CYP39A1: variants seen among roughly 807,000 people sequenced by gnomAD.
CYP39A1 encodes 24-hydroxycholesterol 7-alpha-hydroxylase.
Under a neutral mutation model 58.1 loss-of-function variants are expected in CYP39A1, and 49 were observed. That is an observed-to-expected ratio of 0.84 (90% CI 0.67 to 1.07). CYP39A1 has a LOEUF of 1.07. Ranked by LOEUF, CYP39A1 falls within the 50% of genes least tolerant of loss-of-function variation. The probability of loss-of-function intolerance (pLI) is 0.00; values close to 1 mark genes in which losing one functional copy is unlikely to be tolerated. For missense variants in CYP39A1, 531 were observed against 539.4 expected, an observed-to-expected ratio of 0.98 and a Z score of 0.16; for synonymous variants, 209 against 187.6, an observed-to-expected ratio of 1.11 and a Z score of -0.93.
intron 1 of CYP39A1, among the ~76,000 whole-genome samples, chr6:46,648,018 G>A (rs928084511): frequency 2.6e-5 from 4 of 152,174 alleles, no homozygotes; most frequent in Non-Finnish European, 5.9e-5. Flanking sequence ...AACAACAGGT[G>A]CTGGAGAGCA....
Position 46,553,792 on chromosome 6 carries a change from CTA to C in CYP39A1, c.1311_1312del (p.Cys437TrpfsTer27). The C allele has an allele frequency of 6.2e-7, 1 of 1,610,966 alleles. No homozygotes were observed. Among genetic ancestry groups the C allele is most frequent in the South Asian group, 1.1e-5 (1 of 90,788 alleles). On this transcript the variant is annotated frameshift_variant, in exon 11 of 12. Transcript: ENST00000275016. LOFTEE classifies it high-confidence loss of function. ...CTGTTTGGGTAATGGGTCCAGAAGA[CTA>C]CAGTCATATTTATAAAGTATTAAAA... is the stretch of plus-strand genomic sequence containing the variant.
chr6:46,572,507 G>A (rs151293353), intron 10 of CYP39A1, among the ~76,000 whole-genome samples: 17 of 152,236 alleles, frequency 1.1e-4, no homozygotes, highest in African/African-American at 4.1e-4. Flanking sequence ...TTTCTGGCCT[G>A]TGAAGTTTCT....
intron 7 of CYP39A1, among the ~76,000 whole-genome samples, chr6:46,616,133 TTTC>T (rs1561993760): frequency 9.1e-3 from 1 of 110 alleles, no homozygotes; most frequent in South Asian, 0.071. Flanking sequence ...TCTTTCTTTC[TTTC>T]TTTCTTTCTT....
intron 1 of CYP39A1, among the ~76,000 whole-genome samples, chr6:46,644,168 C>T (rs1776510075): frequency 6.6e-6 from 1 of 152,174 alleles, no homozygotes; most frequent in African/African-American, 2.4e-5. Context: ...TTGGCAACCA[C>T]TAATCTGTTC....
chr6:46,580,939 G>A (rs910040831), intron 10 of CYP39A1, among the ~76,000 whole-genome samples: 14 of 152,076 alleles, frequency 9.2e-5, no homozygotes, highest in Admixed American at 2.6e-4. Flanking sequence ...AAAGCAGTTC[G>A]GAGATTTCTC....
At position 46,553,847 on chromosome 6, in the gene CYP39A1, C is replaced by G; in HGVS notation, c.1258G>C (p.Ala420Pro). 6.3e-7 allele frequency: 1 copy of G among 1,596,784 alleles called. No individual in the cohort carries two copies. Among genetic ancestry groups the G allele is most frequent in the South Asian group, 1.1e-5 (1 of 88,378 alleles). Reference protein sequence around the residue: ...GKFQCPARWFALLEVQMCIIL... With the variant: ...GKFQCPARWFPLLEVQMCIIL... ...ATACACATCTGAACCTCTAACAGAG[C>G]AAACCACCTGGAAGAAACGAATAAA... is the stretch of plus-strand genomic sequence containing the variant. Residue 420 changes from alanine (A) to proline (P), a missense_variant, in exon 11 of 12, where the codon GCT becomes CCT. By Grantham distance (27) the Ala-to-Pro change is conservative. Coordinates refer to ENST00000275016, the MANE Select transcript of CYP39A1 (RefSeq NM_016593.5).
At chr6:46,591,646 C>T (rs1236407882) in intron 8 of CYP39A1, among the ~76,000 whole-genome samples, 4 of 151,946 alleles carry the variant, frequency 2.6e-5, no homozygotes, top group Non-Finnish European at 4.4e-5. Context: ...TAGACATAGA[C>T]AAAAACTCTT....
intron 1 of CYP39A1, among the ~76,000 whole-genome samples, chr6:46,650,834 TC>T (rs1234294750): frequency 6.6e-6 from 1 of 152,072 alleles, no homozygotes; most frequent in African/African-American, 2.4e-5. Context: ...TTTTGTTTAG[TC>T]AGGAAAGCAA....
chr6:46,608,029 A>G (rs1773959070), intron 7 of CYP39A1, among the ~76,000 whole-genome samples: 1 of 152,228 alleles, frequency 6.6e-6, no homozygotes, highest in Non-Finnish European at 1.5e-5. Flanking sequence ...ACATGAGATA[A>G]TAGATGAAAA....
chr6:46,652,484 C>A lies in CYP39A1; in HGVS notation c.99G>T (p.Lys33Asn), dbSNP rs766648462. The A allele has an allele frequency of 6.2e-7, 1 of 1,613,976 alleles. No homozygotes were observed. The highest frequency in any genetic ancestry group is 8.5e-7 in the Non-Finnish European group (1 of 1,179,964). Residue 33 changes from lysine (K) to asparagine (N), a missense_variant, in exon 1 of 12, where the codon AAG (lysine) becomes AAT (asparagine). Coordinates refer to ENST00000275016, the MANE Select transcript of CYP39A1 (RefSeq NM_016593.5). ...CAACTCCAATCCAAGGAATCCAGCC[C>A]TTGATGCACGGGGGTCTACGCAAAT... is the stretch of plus-strand genomic sequence containing the variant. The part of the protein sequence containing the change: ...RKNLRRPPCI[K>N]GWIPWIGVGF...
rs1047077889 is a variant in CYP39A1, at chr6:46,595,855, A to C, written c.1065+132T>G. The stretch of plus-strand genomic sequence containing the variant: ...ATATTTCAAAACCACATGTTGTACA[A>C]GACAAATATATAAAATATTTATTTG... On this transcript the variant is annotated intron_variant, in intron 8 of 11. Transcript: ENST00000275016. 14 of 901,770 alleles carry C rather than the reference A, an allele frequency of 1.6e-5. No individual in the cohort carries two copies. In the African/African-American group the frequency reaches 2.3e-4, roughly 15 times the overall value. The allele number at this position is 901,770 out of a possible 1,614,324, so 55.9% of individuals were successfully genotyped here.
intron 8 of CYP39A1, among the ~76,000 whole-genome samples, chr6:46,589,305 A>G (rs561175898): frequency 1.3e-5 from 2 of 151,940 alleles, no homozygotes; most frequent in Non-Finnish European, 2.9e-5. Flanking sequence ...AATGAAAAAT[A>G]TTAGCTGGGG....
chr6:46,581,250 T>A (rs980104759), intron 10 of CYP39A1, among the ~76,000 whole-genome samples: 1 of 151,912 alleles, frequency 6.6e-6, no homozygotes, highest in Non-Finnish European at 1.5e-5. Context: ...TCTACTAAAA[T>A]TTTTTTTAAA....
At chr6:46,588,327 AT>A (rs1371281591) in intron 8 of CYP39A1, among the ~76,000 whole-genome samples, 198 bp from the exon 9 acceptor site, 1 of 150,278 alleles carries the variant, frequency 6.7e-6, no homozygotes, top group African/African-American at 2.4e-5. Context: ...ATAATATAGT[AT>A]CTATATAATT....
chr6:46,583,427 A>G, intron 10 of CYP39A1: 2 of 985,386 alleles, frequency 2.0e-6, no homozygotes, highest in Non-Finnish European at 2.4e-6. Flanking sequence ...CACTCAAAGA[A>G]GTTTTCCTCC....
At chr6:46,594,119 T>C (rs1311879181) in intron 8 of CYP39A1, among the ~76,000 whole-genome samples, 1 of 152,098 alleles carries the variant, frequency 6.6e-6, no homozygotes, top group Non-Finnish European at 1.5e-5. Context: ...AGGATTATAT[T>C]GATTCTGATT....
intron 7 of CYP39A1, among the ~76,000 whole-genome samples, chr6:46,606,300 TGTCA>T (rs1773839671): frequency 6.6e-6 from 1 of 152,190 alleles, no homozygotes. Context: ...GTTTCTCAAA[TGTCA>T]GTGTCATGTG....
At chr6:46,651,344 A>G (rs1420423295) in intron 1 of CYP39A1, among the ~76,000 whole-genome samples, 1 of 152,232 alleles carries the variant, frequency 6.6e-6, no homozygotes, top group East Asian at 1.9e-4. Context: ...CTCCTATGAC[A>G]AAATATAGCC....
intron 10 of CYP39A1, among the ~76,000 whole-genome samples, chr6:46,580,992 C>T (rs1228564016): frequency 6.6e-6 from 1 of 152,100 alleles, no homozygotes; most frequent in African/African-American, 2.4e-5. Context: ...TCCCATTATA[C>T]CCAAAGGAAT....
Sources: gnomAD v4.1 joint callset for allele counts (sites outside exome capture counted in the v4.1 genomes callset) on GRCh38, gnomAD v4.1.1 for gene constraint, MANE v1.5 for transcripts, NCBI Gene and HGNC (gene_info 2026-07-23, HGNC 2026-07-21) for gene names.